The following LAMB3 variants were observed in gnomAD, a reference collection of about 807,000 sequenced individuals.
LAMB3 encodes the protein laminin subunit beta-3.
In LAMB3, 104 loss-of-function variants were observed where a neutral mutation model predicts 140.3. That is an observed-to-expected ratio of 0.74 (90% CI 0.63 to 0.87). The LOEUF (loss-of-function observed/expected upper bound fraction) is 0.87. Ranked by LOEUF, LAMB3 falls within the 40% of genes least tolerant of loss-of-function variation. The pLI is 0.00. For synonymous variants in LAMB3, 592 were observed against 602.9 expected (o/e 0.98, Z 0.26); for missense variants, 1,531 against 1,575.2 (o/e 0.97, Z 0.47).
intron 3 of LAMB3, among the ~76,000 whole-genome samples, chr1:209,640,613 T>G (rs1283299477): frequency 6.6e-6 from 1 of 152,120 alleles, no homozygotes; most frequent in African/African-American, 2.4e-5. Flanking sequence ...CCACTCACTG[T>G]GCATTCCCTT....
At position 209,649,994 on chromosome 1, in the gene LAMB3, C is replaced by T; in HGVS notation, c.153G>A (p.Lys51=). ...CATACTGGGTGCAGTAGGTCTCAGGCTTGGTCAGTCCACAGGTAGATGAAG... is the reference window on the plus strand; with the variant it reads ...CATACTGGGTGCAGTAGGTCTCAGGTTTGGTCAGTCCACAGGTAGATGAAG... ...LRASSTCGLT[K]PETYCTQYGE... Residue 51 remains lysine, a synonymous_variant, in exon 3 of 23, where the codon AAG becomes AAA. Coordinates refer to ENST00000356082, the MANE Select transcript of LAMB3 (RefSeq NM_000228.3). 2 of 1,614,214 alleles carry T rather than the reference C, an allele frequency of 1.2e-6. No homozygotes were observed. The highest frequency in any genetic ancestry group is 1.7e-6 in the Non-Finnish European group (2 of 1,180,024).
chr1:209,630,821 C>CGCACCACT, intron 8 of LAMB3, 86 bp from the exon 9 acceptor site: 1 of 1,480,004 alleles, frequency 6.8e-7, no homozygotes, highest in East Asian at 2.3e-5. Context: ...TGACCCTCTG[C>CGCACCACT]GCACCACTCA....
chr1:209,632,796 A>C lies in LAMB3; in HGVS notation c.629-20T>G. ...CCACCTCTGAGAGGGCCAAACAGCAAGGAGGGAAGAGTTGGAGAATGGAAA... is the reference window on the plus strand; with the variant it reads ...CCACCTCTGAGAGGGCCAAACAGCACGGAGGGAAGAGTTGGAGAATGGAAA... On this transcript the variant is annotated intron_variant, in intron 7 of 22. Transcript: ENST00000356082. The C allele has an allele frequency of 6.2e-7, 1 of 1,608,964 alleles. No homozygotes were observed. Among genetic ancestry groups the C allele is most frequent in the Non-Finnish European group, 8.5e-7 (1 of 1,175,272 alleles).
At chr1:209,615,486 T>A in intron 22 of LAMB3, 79 bp from the exon 23 acceptor site, 1 of 1,476,670 alleles carries the variant, frequency 6.8e-7, no homozygotes, top group South Asian at 1.3e-5. Flanking sequence ...CTTCCCCTCC[T>A]GCTAACTGGA....
At chr1:209,637,460 G>A (rs1226763539) in intron 5 of LAMB3, among the ~76,000 whole-genome samples, 1 of 152,182 alleles carries the variant, frequency 6.6e-6, no homozygotes, top group East Asian at 1.9e-4. Flanking sequence ...GCTTTGAGAA[G>A]TAATGGCGCT....
intron 14 of LAMB3, among the ~76,000 whole-genome samples, chr1:209,624,555 C>G (rs1666345680): frequency 6.6e-6 from 1 of 152,200 alleles, no homozygotes; most frequent in African/African-American, 2.4e-5. Context: ...TCCTCCAAGC[C>G]TCACATTCTC....
At chr1:209,627,834 G>T (rs140899924) in intron 11 of LAMB3, among the ~76,000 whole-genome samples, 2 of 152,368 alleles carry the variant, frequency 1.3e-5, no homozygotes, top group Non-Finnish European at 2.9e-5. Flanking sequence ...GCTGCCACCT[G>T]CTGGAGGCCA....
At chr1:209,632,961 A>G in intron 7 of LAMB3, 109 bp downstream of exon 7, 1 of 1,079,848 alleles carries the variant, frequency 9.3e-7, no homozygotes, top group Non-Finnish European at 1.4e-6. Context: ...CAAATCCCCA[A>G]CCACGTTGAC....
At chr1:209,648,327 C>T (rs2076535222) in intron 3 of LAMB3, among the ~76,000 whole-genome samples, 1 of 152,168 alleles carries the variant, frequency 6.6e-6, no homozygotes, top group Non-Finnish European at 1.5e-5. Context: ...TGCCCAAGGT[C>T]ACACCTCAAG....
intron 2 of LAMB3, 137 bp downstream of exon 2, chr1:209,650,780 C>A: frequency 1.2e-6 from 1 of 851,388 alleles, no homozygotes. Flanking sequence ...ACAGGTGTCC[C>A]CAGTAGACAA....
chr1:209,615,028 G>A lies in LAMB3; in HGVS notation c.*243C>T. The A allele has an allele frequency of 1.9e-6, 1 of 528,474 alleles. No individual in the cohort carries two copies. Among genetic ancestry groups the A allele is most frequent in the Non-Finnish European group, 3.4e-6 (1 of 297,050 alleles). The allele number at this position is 528,474 out of a possible 1,614,324, so 32.7% of individuals were successfully genotyped here. On this transcript the variant is annotated 3_prime_UTR_variant, in exon 23 of 23. Coordinates refer to ENST00000356082, the MANE Select transcript of LAMB3 (RefSeq NM_000228.3). ...GCCCAGCCCAGCTTCCTTGACTTGAGAGCTCTTAGTTTCAATGGCATGCCA... is the reference window on the plus strand; with the variant it reads ...GCCCAGCCCAGCTTCCTTGACTTGAAAGCTCTTAGTTTCAATGGCATGCCA...
At chr1:209,622,083 CAA>C (rs1449806514) in intron 18 of LAMB3, among the ~76,000 whole-genome samples, 1 of 152,160 alleles carries the variant, frequency 6.6e-6, no homozygotes, top group Non-Finnish European at 1.5e-5. Context: ...TTCAGGCAGA[CAA>C]AGAGCAAATA....
At position 209,650,959 on chromosome 1, in the gene LAMB3, G is replaced by A. The variant is rs764990667; in HGVS notation, c.-15C>T. On this transcript the variant is annotated 5_prime_UTR_variant, in exon 2 of 23. Coordinates refer to ENST00000356082, the MANE Select transcript of LAMB3 (RefSeq NM_000228.3). ...AATGGTCTCATCTTCAGCCAATGGG[G>A]TGATCCCCAGAAAGGACCTTTCCTA... 1 of 1,613,948 alleles carries A rather than the reference G, an allele frequency of 6.2e-7. No homozygotes were observed. The highest frequency in any genetic ancestry group is 1.3e-5 in the African/African-American group (1 of 74,910).
In LAMB3 at chr1:209,623,443, A is replaced by T. The variant is rs1376343075; in HGVS notation, c.2358+62T>A. ...GCCCTAATAGGAAGCAGGTGGCAGC[A>T]GTTGGTGTGTGACAAGCTGGGGTGT... On this transcript the variant is annotated intron_variant, in intron 16 of 22. Transcript: ENST00000356082. This position sits in a 1 kb window ranked among gnomAD's most constrained non-coding sequence, Gnocchi z 4.2. The T allele has an allele frequency of 6.7e-7, 1 of 1,497,514 alleles. No homozygotes were observed. The highest frequency in any genetic ancestry group is 1.1e-5 in the South Asian group (1 of 88,716). The allele number at this position is 1,497,514 out of a possible 1,614,324, so 92.8% of individuals were successfully genotyped here. A position where few individuals can be genotyped will look rare whatever the true frequency, so the allele number is the denominator to read the frequency against.
chr1:209,630,012 T>C, intron 9 of LAMB3, 87 bp from the exon 10 acceptor site: 1 of 1,281,886 alleles, frequency 7.8e-7, no homozygotes, highest in East Asian at 2.4e-5. Flanking sequence ...CTGGCATCTG[T>C]AACAACTCTG....
chr1:209,627,949 G>A, intron 11 of LAMB3, 86 bp downstream of exon 11: 2 of 1,495,004 alleles, frequency 1.3e-6, no homozygotes, highest in Non-Finnish European at 1.8e-6. Context: ...TTCCTCTGAA[G>A]AGAGCACAGT....
rs1385503416 is a variant in LAMB3 at position 209,616,634 on chromosome 1, G to T, written c.3229-10C>A. The T allele has an allele frequency of 6.2e-7, 1 of 1,613,962 alleles. No homozygotes were observed. The highest frequency in any genetic ancestry group is 8.5e-7 in the Non-Finnish European group (1 of 1,179,856). Reference sequence around the variant, plus strand: ...TTATTCTCTCAAATCCCTGAAAAAGGTAGAATAGTCTCAGTGTCATTGTCA... The same window carrying T: ...TTATTCTCTCAAATCCCTGAAAAAGTTAGAATAGTCTCAGTGTCATTGTCA... On this transcript the variant is annotated splice_polypyrimidine_tract_variant and intron_variant, in intron 21 of 22. Transcript: ENST00000356082.
rs777987443 is a variant in LAMB3, at chr1:209,625,735, T to C, written c.1889A>G (p.Lys630Arg). 1.7e-5 allele frequency: 27 copies of C among 1,614,138 alleles called. No individual in the cohort carries two copies. Among genetic ancestry groups the C allele is most frequent in the Non-Finnish European group, 2.3e-5 (27 of 1,180,026 alleles). The change falls in exon 14 of 23, where the codon AAG becomes AGG. Residue 630 changes from lysine (K) to arginine (R), a missense_variant. Lys to Arg is a conservative substitution (Grantham distance 26, BLOSUM62 2). Coordinates refer to ENST00000356082, the MANE Select transcript of LAMB3 (RefSeq NM_000228.3). ...GAGAACTGCTCGGATCTGCTCAATC[T>C]TACTCTTTGCATCTAGGATCCGGGA... is the stretch of plus-strand genomic sequence containing the variant. ...LASRILDAKSKIEQIRAVLSS... is the reference protein window; with the variant it reads ...LASRILDAKSRIEQIRAVLSS...
rs781366196 is a variant in LAMB3, at chr1:209,650,137, G to GTGATGGAGT, written c.29-20_29-19insACTCCATCA. 12 of 1,608,070 alleles carry GTGATGGAGT rather than the reference G, an allele frequency of 7.5e-6. No homozygotes were observed. Among genetic ancestry groups the GTGATGGAGT allele is most frequent in the Middle Eastern group, 1.9e-4 (1 of 5,318 alleles). On this transcript the variant is annotated intron_variant, in intron 2 of 22. Transcript: ENST00000356082. ...GGCAGGGCTGAAATCACAGGGATGT[G>GTGATGGAGT]TGATGGAGCAGTCCAGAAAAAAAGG...
Sources: gnomAD v4.1 joint callset for allele counts (sites outside exome capture counted in the v4.1 genomes callset) on GRCh38, gnomAD v4.1.1 for gene constraint, Gnocchi (gnomAD v3.1) non-coding constraint, MANE v1.5 for transcripts, NCBI Gene and HGNC (gene_info 2026-07-23, HGNC 2026-07-21) for gene names.